The following ITGB3BP variants were observed in gnomAD, a reference collection of about 807,000 sequenced individuals.
ITGB3BP encodes the protein centromere protein R.
ITGB3BP carries 27 observed loss-of-function variants against 29.1 expected under a neutral mutation model. That is an observed-to-expected ratio of 0.93 (90% CI 0.68 to 1.28). ITGB3BP has a LOEUF of 1.28. ITGB3BP is among the 50% of genes most tolerant of loss of function. ITGB3BP has a pLI of 0.00. For synonymous variants in ITGB3BP, 61 were observed against 61.4 expected (o/e 0.99, Z 0.03); for missense variants, 192 against 200.2 (o/e 0.96, Z 0.25).
chr1:63,498,818 T>A (rs952181226), intron 2 of ITGB3BP, among the ~76,000 whole-genome samples: 1 of 149,252 alleles, frequency 6.7e-6, no homozygotes, highest in Admixed American at 6.7e-5. Flanking sequence ...GCTAGACTGA[T>A]GAAGGAAGGA....
intron 2 of ITGB3BP, among the ~76,000 whole-genome samples, chr1:63,501,739 G>C (rs1645935556): frequency 6.6e-6 from 1 of 152,002 alleles, no homozygotes; most frequent in South Asian, 2.1e-4. Context: ...GCCTGTGCCT[G>C]TAGTCCCAGC....
At chr1:63,488,373 A>G (rs1645573257) in intron 3 of ITGB3BP, among the ~76,000 whole-genome samples, 1 of 152,012 alleles carries the variant, frequency 6.6e-6, no homozygotes, top group Non-Finnish European at 1.5e-5. Flanking sequence ...ATGTCATGAT[A>G]AGGGTTTTGG....
At chr1:63,481,400 T>C (rs1260422171) in intron 3 of ITGB3BP, among the ~76,000 whole-genome samples, 1 of 152,194 alleles carries the variant, frequency 6.6e-6, no homozygotes, top group African/African-American at 2.4e-5. Flanking sequence ...GTAGTAAATG[T>C]AGTAAATGAG....
intron 1 of ITGB3BP, 108 bp downstream of exon 1, chr1:63,523,021 T>C: frequency 7.4e-7 from 1 of 1,347,578 alleles, no homozygotes; most frequent in African/African-American, 1.4e-5. Context: ...GGAGACAAGT[T>C]CATACTCCGA....
Position 63,496,801 on chromosome 1 carries a change from G to C in ITGB3BP, c.49-6583C>G, listed in dbSNP as rs368263831. Among the ~76,000 whole-genome samples, 18 of 152,308 alleles carry C rather than the reference G, an allele frequency of 1.2e-4. No individual in the cohort carries two copies. In the South Asian group the frequency reaches 3.3e-3, roughly 28 times the overall value. On this transcript the variant is annotated intron_variant, in intron 2 of 8. Transcript: ENST00000271002. ...TTTTAGTTGATTTGTCCCATGACTTGATCTCATTTTACTGGAAGATTGGAC... is the reference window on the plus strand; with the variant it reads ...TTTTAGTTGATTTGTCCCATGACTTCATCTCATTTTACTGGAAGATTGGAC...
intron 4 of ITGB3BP, among the ~76,000 whole-genome samples, 178 bp downstream of exon 4, chr1:63,478,586 T>G (rs1226489034): frequency 6.6e-6 from 1 of 152,194 alleles, no homozygotes; most frequent in Admixed American, 6.5e-5. Context: ...ATATAACCAT[T>G]ATAGAACATC....
chr1:63,478,809 G>A lies in ITGB3BP; in HGVS notation c.209C>T (p.Pro70Leu), dbSNP rs1178461081. 8 of 1,440,280 alleles carry A rather than the reference G, an allele frequency of 5.6e-6. No homozygotes were observed. The highest frequency in any genetic ancestry group is 1.4e-5 in the South Asian group (1 of 73,422). The allele number at this position is 1,440,280 out of a possible 1,614,324, so 89.2% of individuals were successfully genotyped here. ...AGATTCTTTGCTTTCAGTTAAACTG[G>A]GGTGATTCAATTTTTTTCTCTTTTC... is the stretch of plus-strand genomic sequence containing the variant. Reference protein sequence around the residue: ...SNEKRKKLNHPSLTESKESTT... With the variant: ...SNEKRKKLNHLSLTESKESTT... The change falls in exon 4 of 9, where the codon CCC becomes CTC. Residue 70 changes from proline to leucine, a missense_variant. Pro to Leu is a moderately conservative substitution (Grantham distance 98). Transcript: ENST00000271002.
At chr1:63,523,345 A>G, upstream of ITGB3BP, 1 of 632,364 alleles carries the variant, frequency 1.6e-6, no homozygotes. Context: ...TAGGCCCAGG[A>G]CAGCACCTAT....
intron 8 of ITGB3BP, among the ~76,000 whole-genome samples, chr1:63,445,885 T>C (rs1019310297): frequency 2.7e-5 from 4 of 150,640 alleles, no homozygotes; most frequent in African/African-American, 9.8e-5. Context: ...TCACCATGCC[T>C]AGCCCCTAAT....
chr1:63,486,198 C>T (rs898033317), intron 3 of ITGB3BP, among the ~76,000 whole-genome samples: 6 of 152,088 alleles, frequency 3.9e-5, no homozygotes, highest in Non-Finnish European at 5.9e-5. Context: ...GTACTCTCTT[C>T]GACTATGCAA....
chr1:63,501,565 C>T (rs186972813), intron 2 of ITGB3BP, among the ~76,000 whole-genome samples: 77 of 152,078 alleles, frequency 5.1e-4, no homozygotes, highest in African/African-American at 1.8e-3. Flanking sequence ...AATAATCTGA[C>T]TTAGAAGTGT....
chr1:63,462,125 CCTTTT>C (rs1284994110), intron 4 of ITGB3BP, among the ~76,000 whole-genome samples: 1 of 152,150 alleles, frequency 6.6e-6, no homozygotes, highest in Non-Finnish European at 1.5e-5. Flanking sequence ...GAATATCTTT[CCTTTT>C]ATTTAGATCT....
chr1:63,514,011 T>C (rs1570323798), intron 1 of ITGB3BP, among the ~76,000 whole-genome samples: 1 of 152,230 alleles, frequency 6.6e-6, no homozygotes, highest in African/African-American at 2.4e-5. Flanking sequence ...ATTTGAATCA[T>C]ATGAGGAGGG....
chr1:63,527,057 G>A (rs1646605370), upstream of ITGB3BP, among the ~76,000 whole-genome samples: 1 of 152,192 alleles, frequency 6.6e-6, no homozygotes, highest in East Asian at 1.9e-4. Context: ...GAGCCACCAC[G>A]CCTGGCCAAT....
chr1:63,462,194 C>T (rs965442579), intron 4 of ITGB3BP, among the ~76,000 whole-genome samples: 1 of 151,916 alleles, frequency 6.6e-6, no homozygotes, highest in African/African-American at 2.4e-5. Context: ...AGTTTTTTAC[C>T]TCTTTAGTTA....
At chr1:63,500,239 G>A (rs573267447) in intron 2 of ITGB3BP, among the ~76,000 whole-genome samples, 13 of 152,232 alleles carry the variant, frequency 8.5e-5, no homozygotes, top group Admixed American at 3.9e-4. Context: ...TTAGCTGGGC[G>A]TGGTTGTGTG....
intron 7 of ITGB3BP, among the ~76,000 whole-genome samples, chr1:63,451,105 T>G (rs1273130266): frequency 6.6e-6 from 1 of 151,830 alleles, no homozygotes; most frequent in Non-Finnish European, 1.5e-5. Flanking sequence ...AAAAGACCAA[T>G]TAGAAGAGGC....
intron 3 of ITGB3BP, among the ~76,000 whole-genome samples, chr1:63,484,140 A>G (rs1309887735): frequency 6.6e-6 from 1 of 152,222 alleles, no homozygotes; most frequent in African/African-American, 2.4e-5. Context: ...TGTACTGAAC[A>G]TATACAGACT....
At chr1:63,523,920 T>A (rs1478424479), upstream of ITGB3BP, among the ~76,000 whole-genome samples, 3 of 152,138 alleles carry the variant, frequency 2.0e-5, no homozygotes, top group South Asian at 6.2e-4. Context: ...AACAGTTTAT[T>A]TTTCTTGCTA....
Sources: allele counts gnomAD v4.1 joint callset (sites outside exome capture counted in the v4.1 genomes callset), GRCh38; gene constraint gnomAD v4.1.1; transcripts MANE v1.5; gene names NCBI Gene and HGNC (gene_info 2026-07-23, HGNC 2026-07-21).